DSC3: variants seen among roughly 807,000 people sequenced by gnomAD.
The protein encoded by DSC3 is desmocollin 3.
In DSC3, 97 loss-of-function variants were observed where a neutral mutation model predicts 89.5. The ratio of observed to expected loss-of-function variants is 1.08; its 90% CI spans 0.92 to 1.28. The LOEUF is 1.28. DSC3 is among the 50% of genes most tolerant of loss of function. The probability of loss-of-function intolerance (pLI) is 0.00; values close to 1 mark genes in which losing one functional copy is unlikely to be tolerated. For missense variants in DSC3, 1,199 were observed against 1,085.3 expected (o/e 1.10, Z -1.47); for synonymous variants, 436 against 384.1 (o/e 1.14, Z -1.58).
In DSC3 at chr18:31,025,889, A is replaced by G. The variant is rs544364629; in HGVS notation, c.501T>C (p.Tyr167=). The part of the protein sequence containing the change: ...QQVESDAAQN[Y]TVFYSISGRG... ...GTCCACTTATTGAGTAGAAGACAGTATAGTTCTGTGCTGCATCAGATTCAA... is the reference window on the plus strand; with the variant it reads ...GTCCACTTATTGAGTAGAAGACAGTGTAGTTCTGTGCTGCATCAGATTCAA... Residue 167 remains tyrosine (Y), a synonymous_variant, in exon 5 of 16, where the codon TAT becomes TAC. Transcript: ENST00000360428. 1.2e-6 allele frequency: 2 copies of G among 1,613,044 alleles called. No individual in the cohort carries two copies. Among genetic ancestry groups the G allele is most frequent in the Non-Finnish European group, 8.5e-7 (1 of 1,179,268 alleles).
rs1267185083 is a variant in DSC3 at position 30,992,449 on chromosome 18, G to A, written c.*1726C>T. The stretch of plus-strand genomic sequence containing the variant: ...TCCTTGATTTCTCACTCCAAATAAG[G>A]TGAGCCATAGAGAAGAGGTTGGCTG... On this transcript the variant is annotated 3_prime_UTR_variant, in exon 16 of 16. Coordinates refer to ENST00000360428, the MANE Select transcript of DSC3 (RefSeq NM_001941.5). 1 of 152,148 alleles carries A rather than the reference G, an allele frequency of 6.6e-6. No individual in the cohort carries two copies. Among genetic ancestry groups the A allele is most frequent in the Non-Finnish European group, 1.5e-5 (1 of 68,040 alleles). 9.4% of individuals were successfully genotyped at this position (152,148 alleles called of 1,614,324 possible). A position where few individuals can be genotyped will look rare whatever the true frequency, so the allele number is the denominator to read the frequency against.
chr18:31,041,696 C>G (rs1986136897), intron 1 of DSC3, among the ~76,000 whole-genome samples: 3 of 152,168 alleles, frequency 2.0e-5, no homozygotes, highest in Admixed American at 6.5e-5. Flanking sequence ...GCCAGAGTTC[C>G]GAACACTTCA....
chr18:31,037,832 G>A (rs1436067532), intron 1 of DSC3, among the ~76,000 whole-genome samples: 3 of 151,772 alleles, frequency 2.0e-5, no homozygotes, highest in African/African-American at 4.9e-5. Context: ...TCTGGGAGGC[G>A]GAGGTTGCAG....
At chr18:30,994,834 A>G (rs1984402792) in intron 15 of DSC3, among the ~76,000 whole-genome samples, 1 of 152,170 alleles carries the variant, frequency 6.6e-6, no homozygotes, top group Non-Finnish European at 1.5e-5. Flanking sequence ...TAACAAGATT[A>G]TTTTAGAAAT....
chr18:30,996,370 A>G (rs1598596039), intron 15 of DSC3, among the ~76,000 whole-genome samples: 2 of 152,178 alleles, frequency 1.3e-5, no homozygotes, highest in East Asian at 3.9e-4. Flanking sequence ...AGATAAAAAT[A>G]TATATAAATC....
intron 15 of DSC3, chr18:30,994,604 T>G (rs1984394248): frequency 1.2e-6 from 1 of 844,692 alleles, no homozygotes. Flanking sequence ...TGTATACAAG[T>G]TTTATATTTA....
In DSC3 at chr18:30,997,035, C is replaced by T; in HGVS notation, c.2249G>A (p.Gly750Glu). 6.2e-7 allele frequency: 1 copy of T among 1,614,104 alleles called. No homozygotes were observed. Among genetic ancestry groups the T allele is most frequent in the Non-Finnish European group, 8.5e-7 (1 of 1,180,018 alleles). Residue 750 changes from glycine (G) to glutamate (E), a missense_variant, in exon 15 of 16, where the codon GGA (glycine) becomes GAA (glutamate). Physicochemically the swap from Gly to Glu is moderately conservative, Grantham distance 98. Coordinates refer to ENST00000360428, the MANE Select transcript of DSC3 (RefSeq NM_001941.5). ...GTTGTTGGTAGTTTGGGTCATAAAT[C>T]CATTGGCAGAGCACTGAAATAATAA... ...PGDDRVCSAN[G>E]FMTQTTNNSS...
chr18:31,019,068 G>A (rs1985331831), intron 7 of DSC3, among the ~76,000 whole-genome samples: 1 of 152,196 alleles, frequency 6.6e-6, no homozygotes, highest in Non-Finnish European at 1.5e-5. Context: ...GGAAGTCATA[G>A]GGGCAGCACA....
At chr18:31,022,227 T>C (rs1052580452) in intron 7 of DSC3, 109 bp downstream of exon 7, 3 of 1,315,148 alleles carry the variant, frequency 2.3e-6, no homozygotes, top group South Asian at 2.6e-5. Flanking sequence ...TATTGTCTTA[T>C]GCCTAAAATA....
Position 31,029,566 on chromosome 18 carries a change from A to T in DSC3, c.417T>A (p.Pro139=), listed in dbSNP as rs1229462939. Residue 139 remains proline (P), a synonymous_variant, in exon 4 of 16, where the codon CCT becomes CCA. Transcript: ENST00000360428. ...VLRRAKRRWA[P]IPCSMQENSL... The stretch of plus-strand genomic sequence containing the variant: ...AATTCTCTTGCATAGAGCAAGGAAT[A>T]GGTGCCCATCTCCTCTTGGCACGCC... The T allele has an allele frequency of 6.2e-7, 1 of 1,613,898 alleles. No individual in the cohort carries two copies. Among genetic ancestry groups the T allele is most frequent in the South Asian group, 1.1e-5 (1 of 91,082 alleles).
intron 9 of DSC3, among the ~76,000 whole-genome samples, chr18:31,011,728 C>T (rs1258379174): frequency 6.6e-6 from 1 of 151,884 alleles, no homozygotes; most frequent in Non-Finnish European, 1.5e-5. Flanking sequence ...CACGGTGGCT[C>T]ACGTCTGTAA....
intron 15 of DSC3, 110 bp downstream of exon 15, chr18:30,996,681 G>A: frequency 7.6e-7 from 1 of 1,318,160 alleles, no homozygotes; most frequent in Non-Finnish European, 1.0e-6. Flanking sequence ...AACAGAGCAA[G>A]CAAGAGAGAG....
intron 14 of DSC3, among the ~76,000 whole-genome samples, chr18:31,001,186 A>G (rs1212844851): frequency 6.7e-6 from 1 of 150,314 alleles, no homozygotes; most frequent in Non-Finnish European, 1.5e-5. Context: ...GAGTGGCAGT[A>G]ATCTTCCAAA....
intron 5 of DSC3, 31 bp from the exon 6 acceptor site, chr18:31,024,524 A>G: frequency 6.2e-7 from 1 of 1,607,378 alleles, no homozygotes; most frequent in Non-Finnish European, 8.5e-7. Context: ...AGTTCCATTA[A>G]TATCAGATCC....
chr18:30,998,928 A>G (rs1598598109), intron 14 of DSC3, among the ~76,000 whole-genome samples: 1 of 151,568 alleles, frequency 6.6e-6, no homozygotes, highest in East Asian at 1.9e-4. Context: ...AAGGAGTATT[A>G]TAGAGAAATC....
Position 30,992,180 on chromosome 18 carries a change from G to T in DSC3, c.*1995C>A, listed in dbSNP as rs868629968. ...GACTCCGTCTCAAAAAAAAAAGGGG[G>T]GGGGGGGGGCAATAAAAAGTCTAAG... On this transcript the variant is annotated 3_prime_UTR_variant, in exon 16 of 16. Transcript: ENST00000360428. 4 of 91,364 alleles carry T rather than the reference G, an allele frequency of 4.4e-5. No individual in the cohort carries two copies. Among genetic ancestry groups the T allele is most frequent in the African/African-American group, 2.0e-4 (3 of 14,792 alleles). 5.7% of individuals were successfully genotyped at this position (91,364 alleles called of 1,614,324 possible).
intron 1 of DSC3, among the ~76,000 whole-genome samples, chr18:31,037,586 G>C (rs1790666): frequency 0.51 from 77,177 of 151,972 alleles, 20,063 homozygotes; most frequent in East Asian, 0.88. Context: ...ATTTTTGTTA[G>C]ATATGTTTCA....
At chr18:31,039,467 T>C (rs1017946223) in intron 1 of DSC3, among the ~76,000 whole-genome samples, 11 of 152,198 alleles carry the variant, frequency 7.2e-5, no homozygotes, top group African/African-American at 2.7e-4. Flanking sequence ...ATTACAGAAT[T>C]TTAAACTCTT....
At chr18:31,040,019 G>A (rs1233299212) in intron 1 of DSC3, among the ~76,000 whole-genome samples, 2 of 151,872 alleles carry the variant, frequency 1.3e-5, no homozygotes, top group African/African-American at 4.8e-5. Context: ...ATATTACCAA[G>A]AGCAAAAACA....
Sources: gnomAD v4.1 joint callset for allele counts (sites outside exome capture counted in the v4.1 genomes callset) on GRCh38, gnomAD v4.1.1 for gene constraint, MANE v1.5 for transcripts, NCBI Gene and HGNC (gene_info 2026-07-23, HGNC 2026-07-21) for gene names.